The following RARA variants were observed in gnomAD, a reference collection of about 807,000 sequenced individuals.
RARA encodes the protein retinoic acid receptor alpha.
RARA carries 5 observed loss-of-function variants against 42.8 expected under a neutral mutation model. The ratio of observed to expected loss-of-function variants is 0.12; its 90% confidence interval spans 0.06 to 0.25. RARA has a LOEUF of 0.25. Among genes scored for constraint, RARA ranks in the 10% least tolerant of loss-of-function variants. The pLI is 1.00. For missense variants in RARA, 402 were observed against 628.7 expected (o/e 0.64, Z 3.86); for synonymous variants, 256 against 259.5 (o/e 0.99, Z 0.13).
chr17:40,331,681 G>T (rs950151520), intron 2 of RARA, among the ~76,000 whole-genome samples: 1 of 152,194 alleles, frequency 6.6e-6, no homozygotes, highest in Non-Finnish European at 1.5e-5. Context: ...GTGCTCTGCT[G>T]TTGGGGCCTT....
rs547901055 is a variant in RARA at position 40,309,182 on chromosome 17, A to G, written c.-467A>G. 4 of 152,398 alleles carry G rather than the reference A, an allele frequency of 2.6e-5. No individual in the cohort carries two copies. Among genetic ancestry groups the G allele is most frequent in the Non-Finnish European group, 5.9e-5 (4 of 68,062 alleles). The allele number at this position is 152,398 out of a possible 1,614,324, so 9.4% of individuals were successfully genotyped here. A position where few individuals can be genotyped will look rare whatever the true frequency, so the allele number is the denominator to read the frequency against. On this transcript the variant is annotated 5_prime_UTR_variant, in exon 1 of 9. Coordinates refer to ENST00000254066, the MANE Select transcript of RARA (RefSeq NM_000964.4). ...CCCAACGGGAACCCGTGCCTCTTGC[A>G]GCAGCCTAACCCAGAAGCAGGGGGG...
intron 4 of RARA, 146 bp downstream of exon 4, chr17:40,350,071 T>A: frequency 7.7e-7 from 1 of 1,300,692 alleles, no homozygotes; most frequent in Admixed American, 2.6e-5. Context: ...TGAGGATGGT[T>A]TGTGTGTAGC....
chr17:40,315,466 G>A (rs1366985907), intron 1 of RARA, among the ~76,000 whole-genome samples: 1 of 152,048 alleles, frequency 6.6e-6, no homozygotes, highest in Non-Finnish European at 1.5e-5. Flanking sequence ...CTTCAGGACT[G>A]TGAGAATCAA....
chr17:40,348,632 T>C, intron 3 of RARA, 168 bp downstream of exon 3: 11 of 813,328 alleles, frequency 1.4e-5, no homozygotes, highest in Non-Finnish European at 1.8e-5. Flanking sequence ...TCCCCACAGG[T>C]CCTCCCCCAT....
intron 1 of RARA, among the ~76,000 whole-genome samples, chr17:40,313,007 A>T (rs1390367398): frequency 6.6e-6 from 1 of 152,210 alleles, no homozygotes; most frequent in African/African-American, 2.4e-5. Flanking sequence ...GGTCTCTGAA[A>T]ATCCCAGCTT....
intron 1 of RARA, among the ~76,000 whole-genome samples, chr17:40,325,759 T>C (rs548019442): frequency 6.6e-6 from 1 of 152,224 alleles, no homozygotes; most frequent in South Asian, 2.1e-4. Flanking sequence ...TCTTTTAAGC[T>C]CCCCAATACT....
rs1041981333 is a variant in RARA at position 40,314,649 on chromosome 17, G to T, written c.-363+5363G>T. On this transcript the variant is annotated intron_variant, in intron 1 of 8. Transcript: ENST00000254066. ...TGAGGCCCATTCTTTGCCAGGGGGCGCATGTAACCATGGAGGGACAGTCTG... is the reference window on the plus strand; with the variant it reads ...TGAGGCCCATTCTTTGCCAGGGGGCTCATGTAACCATGGAGGGACAGTCTG... Among the ~76,000 whole-genome samples, 4 of 152,130 alleles carry T rather than the reference G, an allele frequency of 2.6e-5. No individual in the cohort carries two copies. In the East Asian group the frequency reaches 5.8e-4, roughly 22 times the overall value.
At position 40,343,179 on chromosome 17, in the gene RARA, T is replaced by A. The variant is rs2034136320; in HGVS notation, c.179-5137T>A. 3 of 264,136 alleles carry A rather than the reference T, an allele frequency of 1.1e-5. No homozygotes were observed. In the South Asian group the frequency reaches 2.6e-4, roughly 23 times the overall value. The allele number at this position is 264,136 out of a possible 1,614,324, so 16.4% of individuals were successfully genotyped here. On this transcript the variant is annotated intron_variant, in intron 2 of 8. Transcript: ENST00000254066. ...CCAAGCCCCTTGCCCCCAGTTTATA[T>A]CTTCTTGCCTGGAATCCAACAGCTT...
At position 40,348,730 on chromosome 17, in the gene RARA, C is replaced by T. The variant is rs549404705; in HGVS notation, c.327+266C>T. 2.1e-5 allele frequency: 7 copies of T among 334,352 alleles called. No homozygotes were observed. In the East Asian group the frequency reaches 3.6e-4, roughly 17 times the overall value. 20.7% of individuals were successfully genotyped at this position (334,352 alleles called of 1,614,324 possible). Reference sequence around the variant, plus strand: ...ATCCTCCAGCTGGCAGGGCGTACGCCTGCTCTGCCACCGCTGCCCAGGTTG... The same window carrying T: ...ATCCTCCAGCTGGCAGGGCGTACGCTTGCTCTGCCACCGCTGCCCAGGTTG... On this transcript the variant is annotated intron_variant, in intron 3 of 8. Coordinates refer to ENST00000254066, the MANE Select transcript of RARA (RefSeq NM_000964.4).
chr17:40,352,274 C>T lies in RARA; in HGVS notation c.631-57C>T. On this transcript the variant is annotated intron_variant, in intron 5 of 8. Coordinates refer to ENST00000254066, the MANE Select transcript of RARA (RefSeq NM_000964.4). This position sits in a 1 kb window ranked among gnomAD's most constrained non-coding sequence, Gnocchi z 4.9. ...GAGGGCAGGCCTGTGGGGGCTGGAG[C>T]CAGGCTGAGAAGGGGTGCCATGGAG... 2 of 1,545,812 alleles carry T rather than the reference C, an allele frequency of 1.3e-6. No homozygotes were observed. The highest frequency in any genetic ancestry group is 8.7e-7 in the Non-Finnish European group (1 of 1,144,130).
intron 1 of RARA, among the ~76,000 whole-genome samples, chr17:40,324,517 G>C (rs1398239760): frequency 6.6e-6 from 1 of 152,074 alleles, no homozygotes; most frequent in Non-Finnish European, 1.5e-5. Flanking sequence ...GACCAGCAGA[G>C]ACCCCCACTT....
In RARA at chr17:40,354,540, G is replaced by A. The variant is rs2143530010; in HGVS notation, c.1012+34G>A. 1 of 1,595,132 alleles carries A rather than the reference G, an allele frequency of 6.3e-7. No individual in the cohort carries two copies. Among genetic ancestry groups the A allele is most frequent in the Non-Finnish European group, 8.6e-7 (1 of 1,166,938 alleles). On this transcript the variant is annotated intron_variant, in intron 7 of 8. Coordinates refer to ENST00000254066, the MANE Select transcript of RARA (RefSeq NM_000964.4). This position sits in a 1 kb window ranked among gnomAD's most constrained non-coding sequence, Gnocchi z 4.5. ...GGGGCCTGGGTCTGGGGGCTGGGCT[G>A]GGACGGGGGTGCAGCCCTGGAGTCT...
Position 40,351,366 on chromosome 17 carries a change from C to G in RARA, c.470-544C>G. ...CTTTAAAGCCGAGTGGTGTGTGCGGCTCAGCGCCCCTGGTGATTTGTCAGC... is the reference window on the plus strand; with the variant it reads ...CTTTAAAGCCGAGTGGTGTGTGCGGGTCAGCGCCCCTGGTGATTTGTCAGC... On this transcript the variant is annotated intron_variant, in intron 4 of 8. Transcript: ENST00000254066. This position sits in a 1 kb window ranked among gnomAD's most constrained non-coding sequence, Gnocchi z 4.1. 1 of 408,208 alleles carries G rather than the reference C, an allele frequency of 2.4e-6. No homozygotes were observed. Among genetic ancestry groups the G allele is most frequent in the South Asian group, 1.8e-5 (1 of 56,398 alleles). 25.3% of individuals were successfully genotyped at this position (408,208 alleles called of 1,614,324 possible).
At chr17:40,312,511 C>A (rs986053603) in intron 1 of RARA, among the ~76,000 whole-genome samples, 1 of 152,232 alleles carries the variant, frequency 6.6e-6, no homozygotes, top group African/African-American at 2.4e-5. Flanking sequence ...TGGTCAGTCC[C>A]CTGGCAGGAG....
At position 40,355,068 on chromosome 17, in the gene RARA, T is replaced by C. The variant is rs1423680738; in HGVS notation, c.1013-195T>C. Among the ~76,000 whole-genome samples the C allele has an allele frequency of 1.3e-5, 2 of 152,258 alleles. No homozygotes were observed. Among genetic ancestry groups the C allele is most frequent in the East Asian group, 1.9e-4 (1 of 5,174 alleles). Reference sequence around the variant, plus strand: ...CTCAGGGAGGGTTTGGGGCACCCCCTCACCCTCAGCTCCCGTTGCTCCCTT... The same window carrying C: ...CTCAGGGAGGGTTTGGGGCACCCCCCCACCCTCAGCTCCCGTTGCTCCCTT... On this transcript the variant is annotated intron_variant, in intron 7 of 8. Coordinates refer to ENST00000254066, the MANE Select transcript of RARA (RefSeq NM_000964.4). This position sits in a 1 kb window ranked among gnomAD's most constrained non-coding sequence, Gnocchi z 4.1.
intron 4 of RARA, 121 bp downstream of exon 4, chr17:40,350,046 G>A (rs2034392335): frequency 2.8e-6 from 4 of 1,439,100 alleles, no homozygotes; most frequent in Non-Finnish European, 3.7e-6. Context: ...ATGCCGTGGT[G>A]TGCGGGCTCA....
Position 40,354,053 on chromosome 17 carries a change from TAAACTC to T in RARA, c.808-246_808-241del, listed in dbSNP as rs2034535792. Among the ~76,000 whole-genome samples, 3 of 152,224 alleles carry T rather than the reference TAAACTC, an allele frequency of 2.0e-5. No homozygotes were observed. The highest frequency in any genetic ancestry group is 2.0e-4 in the Admixed American group (3 of 15,274). On this transcript the variant is annotated intron_variant, in intron 6 of 8. Transcript: ENST00000254066. The surrounding 1 kb of genome is among the most constrained non-coding windows in gnomAD (Gnocchi z 4.5). ...TCTTTAAATTTAAATTAATTAAAAT[TAAACTC>T]AATTCAGTTCCTCAGTTGCATTAGC...
At position 40,351,423 on chromosome 17, in the gene RARA, G is replaced by A. The variant is rs1054049501; in HGVS notation, c.470-487G>A. Reference sequence around the variant, plus strand: ...GCTAATGGGCCAAGAGATTCTCCCCGCCAGGTCCCCCACTCTCAGGCTGGG... The same window carrying A: ...GCTAATGGGCCAAGAGATTCTCCCCACCAGGTCCCCCACTCTCAGGCTGGG... On this transcript the variant is annotated intron_variant, in intron 4 of 8. Coordinates refer to ENST00000254066, the MANE Select transcript of RARA (RefSeq NM_000964.4). This position sits in a 1 kb window ranked among gnomAD's most constrained non-coding sequence, Gnocchi z 4.1. 7 of 461,250 alleles carry A rather than the reference G, an allele frequency of 1.5e-5. 1 individual carries two copies. Among genetic ancestry groups the A allele is most frequent in the African/African-American group, 6.0e-5 (3 of 49,626 alleles). The allele number at this position is 461,250 out of a possible 1,614,324, so 28.6% of individuals were successfully genotyped here.
chr17:40,327,582 C>G (rs2033581772), intron 1 of RARA, among the ~76,000 whole-genome samples: 1 of 152,168 alleles, frequency 6.6e-6, no homozygotes, highest in Admixed American at 6.5e-5. Flanking sequence ...GTACTGGGGC[C>G]CATGCATGCA....
Sources: allele counts gnomAD v4.1 joint callset (sites outside exome capture counted in the v4.1 genomes callset), GRCh38; gene constraint gnomAD v4.1.1; non-coding constraint Gnocchi (gnomAD v3.1); transcripts MANE v1.5; gene names NCBI Gene and HGNC (gene_info 2026-07-23, HGNC 2026-07-21).